The following KIAA1755 variants were observed in gnomAD, a reference collection of about 807,000 sequenced individuals.
KIAA1755 encodes the protein KIAA1755, also known as uncharacterized protein KIAA1755.
Under a neutral mutation model 91.7 loss-of-function variants are expected in KIAA1755, and 68 were observed. The ratio of observed to expected loss-of-function variants is 0.74; its 90% CI spans 0.61 to 0.91. The LOEUF (loss-of-function observed/expected upper bound fraction) is 0.91, where lower values mean the gene tolerates loss of function less well. Among genes scored for constraint, KIAA1755 ranks in the 40% least tolerant of loss-of-function variants. The probability of loss-of-function intolerance (pLI) is 0.00; values close to 1 mark genes in which losing one functional copy is unlikely to be tolerated. For synonymous variants in KIAA1755, 610 were observed against 604.6 expected, an observed-to-expected ratio of 1.01 and a Z score of -0.13; for missense variants, 1,535 against 1,494.4, an observed-to-expected ratio of 1.03 and a Z score of -0.45.
intron 1 of KIAA1755, among the ~76,000 whole-genome samples, chr20:38,252,460 G>T (rs2076267034): frequency 6.6e-6 from 1 of 152,104 alleles, no homozygotes; most frequent in South Asian, 2.1e-4. Context: ...GACCCGTTTT[G>T]CAAGTCAAGA....
At position 38,239,597 on chromosome 20, in the gene KIAA1755, G is replaced by A; in HGVS notation, c.1678C>T (p.Pro560Ser). ...ERGPTLEEEPPGPEPRIGALG... is the reference protein window; with the variant it reads ...ERGPTLEEEPSGPEPRIGALG... ...GCCCCAATCCTGGGCTCAGGCCCTG[G>A]GGGCTCCTCCTCCAGGGTGGGGCCT... Residue 560 changes from proline (P) to serine (S), a missense_variant, in exon 4 of 14, where the codon CCA becomes TCA. By Grantham distance (74) the Pro-to-Ser change is moderately conservative. Coordinates refer to ENST00000279024, the MANE Select transcript of KIAA1755 (RefSeq NM_001029864.2). 6.2e-7 allele frequency: 1 copy of A among 1,608,332 alleles called. No homozygotes were observed. The highest frequency in any genetic ancestry group is 1.1e-5 in the South Asian group (1 of 90,182).
intron 4 of KIAA1755, among the ~76,000 whole-genome samples, chr20:38,234,740 TC>T (rs1337286944): frequency 1.3e-5 from 2 of 152,144 alleles, no homozygotes; most frequent in Admixed American, 1.3e-4. Flanking sequence ...CATGTCTGGT[TC>T]CCCACACTGC....
At position 38,260,140 on chromosome 20, in the gene KIAA1755, T is replaced by G; in HGVS notation, c.3+358A>C. On this transcript the variant is annotated intron_variant, in intron 1 of 13. Transcript: ENST00000279024. ...CCATCCAAACTCCCTGCCGGGACAA[T>G]GTGCATATCACAGTCAGTTCCAAAA... 3.3e-6 allele frequency: 4 copies of G among 1,225,124 alleles called. No homozygotes were observed. The South Asian group carries it at 5.0e-5, about 15-fold the overall frequency. 75.9% of individuals were successfully genotyped at this position (1,225,124 alleles called of 1,614,324 possible).
chr20:38,246,105 C>T lies in KIAA1755; in HGVS notation c.25G>A (p.Ala9Thr). Residue 9 changes from alanine (A) to threonine (T), a missense_variant, in exon 2 of 14, where the codon GCC becomes ACC. Ala to Thr is a moderately conservative substitution (Grantham distance 58). Coordinates refer to ENST00000279024, the MANE Select transcript of KIAA1755 (RefSeq NM_001029864.2). Reference protein sequence around the residue: MDPPSLDTAIQHALAGLYP... With the variant: MDPPSLDTTIQHALAGLYP... ...AGGCCCGCCAGGGCATGCTGGATGGCTGTGTCGAGGGATGGAGGGTCCTGT... is the reference window on the plus strand; with the variant it reads ...AGGCCCGCCAGGGCATGCTGGATGGTTGTGTCGAGGGATGGAGGGTCCTGT... The T allele has an allele frequency of 3.1e-6, 5 of 1,613,554 alleles. No homozygotes were observed. Among genetic ancestry groups the T allele is most frequent in the Non-Finnish European group, 4.2e-6 (5 of 1,179,896 alleles).
chr20:38,245,944 C>T lies in KIAA1755; in HGVS notation c.186G>A (p.Val62=). 6.2e-7 allele frequency: 1 copy of T among 1,614,168 alleles called. No individual in the cohort carries two copies. Among genetic ancestry groups the T allele is most frequent in the Non-Finnish European group, 8.5e-7 (1 of 1,180,022 alleles). Residue 62 remains valine, a synonymous_variant, in exon 2 of 14, where the codon GTG becomes GTA. Transcript: ENST00000279024. ...CTTGACTTACACAGGCTGCTTCTCG[C>T]ACTTGCTCACACAGGCGCTTGGCAG... ...LIPAKRLCEQ[V]REAACAPYSH...
At chr20:38,260,389 G>A in intron 1 of KIAA1755, 109 bp downstream of exon 1, 5 of 1,601,932 alleles carry the variant, frequency 3.1e-6, no homozygotes, top group Non-Finnish European at 4.3e-6. Flanking sequence ...ACTGAGGGTC[G>A]TCTCAGTGTA....
At chr20:38,231,130 T>A (rs1600602796) in intron 5 of KIAA1755, 72 bp downstream of exon 5, 1 of 1,469,246 alleles carries the variant, frequency 6.8e-7, no homozygotes, top group East Asian at 2.3e-5. Flanking sequence ...CTCCACTCAG[T>A]GTCTGGTCCA....
At chr20:38,257,567 C>T (rs1282938550) in intron 1 of KIAA1755, among the ~76,000 whole-genome samples, 1 of 136,618 alleles carries the variant, frequency 7.3e-6, no homozygotes. Flanking sequence ...GGCAATAGAG[C>T]GAGACTCCAT....
intron 5 of KIAA1755, among the ~76,000 whole-genome samples, chr20:38,230,377 G>A (rs1038454885): frequency 2.0e-5 from 3 of 152,076 alleles, no homozygotes; most frequent in African/African-American, 4.8e-5. Context: ...AGCCTTCCCT[G>A]ATTTCCCAAT....
intron 2 of KIAA1755, among the ~76,000 whole-genome samples, chr20:38,243,649 G>C (rs1468707083): frequency 6.6e-6 from 1 of 152,214 alleles, no homozygotes; most frequent in Non-Finnish European, 1.5e-5. Context: ...AAGCATCAGG[G>C]ACTTGGACCT....
rs760686775 is a variant in KIAA1755 at position 38,213,153 on chromosome 20, G to A, written c.3492C>T (p.Pro1164=). 1 of 1,613,322 alleles carries A rather than the reference G, an allele frequency of 6.2e-7. No homozygotes were observed. Among genetic ancestry groups the A allele is most frequent in the South Asian group, 1.1e-5 (1 of 90,998 alleles). ...TGAGGCGAGGGACCTGGCTCTGCCTGGGGGGCTGCTGCCGGAAGAAGGTGG... is the reference window on the plus strand; with the variant it reads ...TGAGGCGAGGGACCTGGCTCTGCCTAGGGGGCTGCTGCCGGAAGAAGGTGG... The part of the protein sequence containing the change: ...LATTFFRQQP[P]RQSQVPRLTG... The change falls in exon 14 of 14, where the codon CCC becomes CCT. Residue 1164 remains proline, a synonymous_variant. Coordinates refer to ENST00000279024, the MANE Select transcript of KIAA1755 (RefSeq NM_001029864.2).
In KIAA1755 at chr20:38,218,079, G is replaced by C. The variant is rs1013116820; in HGVS notation, c.2679+165C>G. 1.1e-5 allele frequency: 9 copies of C among 787,314 alleles called. No homozygotes were observed. The East Asian group carries it at 2.1e-4, about 18-fold the overall frequency. The allele number at this position is 787,314 out of a possible 1,614,324, so 48.8% of individuals were successfully genotyped here. On this transcript the variant is annotated intron_variant, in intron 12 of 13. Coordinates refer to ENST00000279024, the MANE Select transcript of KIAA1755 (RefSeq NM_001029864.2). ...TGGCCATCTGGTAAGAATCTCTGGG[G>C]GAGATAACATCTCAGCTGAACTCTG...
chr20:38,217,838 C>T (rs1023094764), intron 12 of KIAA1755: 2 of 422,674 alleles, frequency 4.7e-6, no homozygotes, highest in African/African-American at 2.0e-5. Context: ...TGTCCCCGCC[C>T]CCGCCCCCGC....
intron 1 of KIAA1755, among the ~76,000 whole-genome samples, chr20:38,254,089 T>C (rs565535028): frequency 6.6e-6 from 1 of 152,324 alleles, no homozygotes; most frequent in East Asian, 1.9e-4. Flanking sequence ...TTCATCATGT[T>C]GGCCAGGCTG....
intron 1 of KIAA1755, among the ~76,000 whole-genome samples, chr20:38,257,698 CT>C (rs2076363817): frequency 1.3e-5 from 2 of 151,784 alleles, no homozygotes; most frequent in South Asian, 4.2e-4. Context: ...TACTCCAGTT[CT>C]CTTCCATTCC....
Position 38,213,701 on chromosome 20 carries a change from G to A in KIAA1755, c.2944C>T (p.Leu982Phe), listed in dbSNP as rs377646540. ...ACCCTTGAGGTCTTGTCCAGCCTGA[G>A]CTGGGCCATCAGGTCCTGACAGTCC... Reference protein sequence around the residue: ...HMDCQDLMAQLRLDKTSRVSP... With the variant: ...HMDCQDLMAQFRLDKTSRVSP... Residue 982 changes from leucine (L) to phenylalanine (F), a missense_variant, in exon 14 of 14, where the codon CTC (leucine) becomes TTC (phenylalanine). Transcript: ENST00000279024. 2.6e-6 allele frequency: 4 copies of A among 1,535,596 alleles called. No homozygotes were observed. The highest frequency in any genetic ancestry group is 3.5e-6 in the Non-Finnish European group (4 of 1,141,184).
At chr20:38,219,607 C>T (rs1446543942) in intron 11 of KIAA1755, 23 bp downstream of exon 11, 1 of 1,613,388 alleles carries the variant, frequency 6.2e-7, no homozygotes, top group African/African-American at 1.3e-5. Flanking sequence ...ACCCCCACAC[C>T]CCAAGCCAGA....
In KIAA1755 at chr20:38,212,678, C is replaced by A. The variant is rs1424944453; in HGVS notation, c.*364G>T. On this transcript the variant is annotated 3_prime_UTR_variant, in exon 14 of 14. Coordinates refer to ENST00000279024, the MANE Select transcript of KIAA1755 (RefSeq NM_001029864.2). ...CTGGCCCTCGTACCCGAGGGGAGAG[C>A]TGTGTATGTTCCTGAGCTGCAGGTG... is the stretch of plus-strand genomic sequence containing the variant. 2 of 189,630 alleles carry A rather than the reference C, an allele frequency of 1.1e-5. No homozygotes were observed. Among genetic ancestry groups the A allele is most frequent in the African/African-American group, 2.3e-5 (1 of 42,892 alleles). The allele number at this position is 189,630 out of a possible 1,614,324, so 11.7% of individuals were successfully genotyped here. A position where few individuals can be genotyped will look rare whatever the true frequency, so the allele number is the denominator to read the frequency against.
intron 10 of KIAA1755, among the ~76,000 whole-genome samples, 179 bp from the exon 11 acceptor site, chr20:38,219,947 C>T (rs1275216676): frequency 6.6e-6 from 1 of 152,196 alleles, no homozygotes; most frequent in East Asian, 1.9e-4. Context: ...TTCCATGGGA[C>T]TGGGAGGACA....
Sources: allele counts gnomAD v4.1 joint callset (sites outside exome capture counted in the v4.1 genomes callset), GRCh38; gene constraint gnomAD v4.1.1; transcripts MANE v1.5; gene names NCBI Gene and HGNC (gene_info 2026-07-23, HGNC 2026-07-21).